The following CALD1 variants were observed in gnomAD, a reference collection of about 807,000 sequenced individuals.
The protein encoded by CALD1 is caldesmon 1.
Under a neutral mutation model 99.9 loss-of-function variants are expected in CALD1, and 33 were observed. The observed-to-expected ratio is 0.33, with a 90% CI of 0.25 to 0.44. The LOEUF is 0.44. Ranked by LOEUF, CALD1 falls within the 20% of genes least tolerant of loss-of-function variation. CALD1 has a pLI of 1.00. For synonymous variants in CALD1, 310 were observed against 325.0 expected, an observed-to-expected ratio of 0.95 and a Z score of 0.50; for missense variants, 861 against 962.1, an observed-to-expected ratio of 0.89 and a Z score of 1.39.
intron 3 of CALD1, among the ~76,000 whole-genome samples, chr7:134,879,231 T>C (rs1434787166): frequency 6.6e-6 from 1 of 152,232 alleles, no homozygotes; most frequent in East Asian, 1.9e-4. Context: ...ATGAGCATGT[T>C]GGACCAATGT....
In CALD1 at chr7:134,858,075, C is replaced by CTTT. The variant is rs5887709; in HGVS notation, c.-41-9606_-41-9604dup. Among the ~76,000 whole-genome samples, 973 of 146,802 alleles carry CTTT rather than the reference C, an allele frequency of 6.6e-3. 20 individuals are homozygous for CTTT. The highest frequency in any genetic ancestry group is 0.023 in the African/African-American group (916 of 39,960). ...AAAAAGCAGGCACATGAGTTGCTGA[C>CTTT]TTTTTTTTTTTTTTAGCTGAGTAGT... On this transcript the variant is annotated intron_variant, in intron 2 of 14. Coordinates refer to ENST00000361675, the MANE Select transcript of CALD1 (RefSeq NM_033138.4).
At chr7:134,781,303 T>C (rs943052841) in intron 1 of CALD1, among the ~76,000 whole-genome samples, 2 of 152,220 alleles carry the variant, frequency 1.3e-5, no homozygotes, top group Non-Finnish European at 2.9e-5. Flanking sequence ...TCTATAATCT[T>C]GGGATTTGAG....
At chr7:134,960,473 T>C in intron 12 of CALD1, 60 bp from the exon 13 acceptor site, 1 of 995,064 alleles carries the variant, frequency 1.0e-6, no homozygotes, top group Non-Finnish European at 1.6e-6. Flanking sequence ...GCTTTGAAAA[T>C]TCCTTCCCAG....
Position 134,963,549 on chromosome 7 carries a change from AT to A in CALD1, c.2296-1754del, listed in dbSNP as rs1448353560. Among the ~76,000 whole-genome samples the A allele has an allele frequency of 5.3e-5, 8 of 152,230 alleles. 1 individual carries two copies. The highest frequency in any genetic ancestry group is 1.9e-4 in the African/African-American group (8 of 41,474). ...AGGGTTTGCCAAGATAAGCATTACT[AT>A]TTCAGTAAAACACATTTATTTTCTA... On this transcript the variant is annotated intron_variant, in intron 13 of 14. Coordinates refer to ENST00000361675, the MANE Select transcript of CALD1 (RefSeq NM_033138.4).
intron 3 of CALD1, among the ~76,000 whole-genome samples, chr7:134,894,190 T>C (rs969901593): frequency 5.3e-5 from 8 of 152,208 alleles, no homozygotes; most frequent in African/African-American, 1.9e-4. Context: ...AGCCATCTTA[T>C]TTAGGAACTA....
At chr7:134,816,399 A>G (rs948599222) in intron 1 of CALD1, among the ~76,000 whole-genome samples, 4 of 152,164 alleles carry the variant, frequency 2.6e-5, no homozygotes, top group Admixed American at 2.0e-4. Flanking sequence ...TTTTCCACTT[A>G]TTAATTTTCA....
intron 13 of CALD1, among the ~76,000 whole-genome samples, chr7:134,963,597 C>T (rs1024922988): frequency 3.9e-5 from 6 of 152,222 alleles, no homozygotes; most frequent in Non-Finnish European, 7.4e-5. Flanking sequence ...TTGCCAAGTA[C>T]TAATATAAGC....
intron 3 of CALD1, among the ~76,000 whole-genome samples, chr7:134,874,111 TTTAAG>T (rs1801232963): frequency 6.6e-6 from 1 of 152,120 alleles, no homozygotes; most frequent in Non-Finnish European, 1.5e-5. Context: ...TTAGCACCAG[TTTAAG>T]TTATTTTTAA....
rs756573441 is a variant in CALD1 at position 134,933,359 on chromosome 7, A to T, written c.590A>T (p.Lys197Met). Residue 197 changes from lysine to methionine, a missense_variant, in exon 5 of 15, where the codon AAG becomes ATG. Lys to Met is a moderately conservative substitution (Grantham distance 95, BLOSUM62 -1). Coordinates refer to ENST00000361675, the MANE Select transcript of CALD1 (RefSeq NM_033138.4). Reference protein sequence around the residue: ...DKEKEEEEEEKPKRGSIGENQ... With the variant: ...DKEKEEEEEEMPKRGSIGENQ... ...GAAAAGGAGGAGGAGGAAGAGGAGA[A>T]GCCAAAGCGAGGGAGCATTGGAGAA... The T allele has an allele frequency of 6.2e-7, 1 of 1,606,458 alleles. No individual in the cohort carries two copies. The highest frequency in any genetic ancestry group is 8.5e-7 in the Non-Finnish European group (1 of 1,176,238).
chr7:134,934,163 T>C, intron 5 of CALD1, 86 bp downstream of exon 5: 5 of 1,530,954 alleles, frequency 3.3e-6, no homozygotes, highest in Non-Finnish European at 4.4e-6. Context: ...TGAGGCCACA[T>C]GCATATAGCT....
chr7:134,932,217 C>A (rs1805573404), intron 4 of CALD1, among the ~76,000 whole-genome samples: 1 of 152,172 alleles, frequency 6.6e-6, no homozygotes, highest in Non-Finnish European at 1.5e-5. Flanking sequence ...GATCACTCCC[C>A]CCAACTATGG....
rs138482582 is a variant in CALD1 at position 134,940,618 on chromosome 7, A to C, written c.1387-474A>C. Among the ~76,000 whole-genome samples, 10 of 152,304 alleles carry C rather than the reference A, an allele frequency of 6.6e-5. No individual in the cohort carries two copies. The East Asian group carries it at 1.9e-3, about 29-fold the overall frequency. ...GTCTTCGCCAGAGTTGGTTTGGCAGATCTAGCTAAACTGATAGGTTTCCTT... is the reference window on the plus strand; with the variant it reads ...GTCTTCGCCAGAGTTGGTTTGGCAGCTCTAGCTAAACTGATAGGTTTCCTT... On this transcript the variant is annotated intron_variant, in intron 6 of 14. Transcript: ENST00000361675.
chr7:134,930,790 T>A lies in CALD1; in HGVS notation c.218+1890T>A, dbSNP rs1805462216. 1.3e-5 allele frequency among the ~76,000 whole-genome samples: 2 copies of A among 152,230 alleles called. 1 individual carries two copies. Among genetic ancestry groups the A allele is most frequent in the Admixed American group, 1.3e-4 (2 of 15,270 alleles). On this transcript the variant is annotated intron_variant, in intron 4 of 14. Transcript: ENST00000361675. The stretch of plus-strand genomic sequence containing the variant: ...ATGTAACAATACATGTAAAATGCAG[T>A]GTCTTACACATAGTAAGCACTCAAT...
At chr7:134,815,418 C>G (rs1798522199) in intron 1 of CALD1, among the ~76,000 whole-genome samples, 1 of 152,154 alleles carries the variant, frequency 6.6e-6, no homozygotes, top group African/African-American at 2.4e-5. Flanking sequence ...GTCCCAGTGC[C>G]TCCTGGAGAA....
At chr7:134,938,831 T>C (rs1183046230) in intron 6 of CALD1, among the ~76,000 whole-genome samples, 2 of 152,026 alleles carry the variant, frequency 1.3e-5, no homozygotes, top group Non-Finnish European at 1.5e-5. Flanking sequence ...AAAGGGGGGA[T>C]TTTTTTTCTG....
chr7:134,833,753 G>A (rs1236135132), intron 1 of CALD1, among the ~76,000 whole-genome samples: 2 of 152,196 alleles, frequency 1.3e-5, no homozygotes, highest in Non-Finnish European at 2.9e-5. Flanking sequence ...TTGCCCACTA[G>A]AGTGTTAGCC....
At chr7:134,742,957 CCT>C (rs1796603559), upstream of CALD1, among the ~76,000 whole-genome samples, 1 of 152,166 alleles carries the variant, frequency 6.6e-6, no homozygotes, top group South Asian at 2.1e-4. Flanking sequence ...GGGAACCCTC[CCT>C]GCCTACCTTT....
chr7:134,714,769 C>A, the CALD1 span, among the ~76,000 whole-genome samples: 4 of 152,166 alleles, frequency 2.6e-5, no homozygotes, highest in East Asian at 7.7e-4. Flanking sequence ...TGGGTGGTAA[C>A]TTCCAGGTTT....
intron 3 of CALD1, among the ~76,000 whole-genome samples, chr7:134,916,474 G>A (rs755146514): frequency 5.9e-5 from 9 of 152,066 alleles, no homozygotes; most frequent in Non-Finnish European, 1.3e-4. Flanking sequence ...TTTAGGGGAG[G>A]GAAAGATCAT....
Sources: allele counts gnomAD v4.1 joint callset (sites outside exome capture counted in the v4.1 genomes callset), GRCh38; gene constraint gnomAD v4.1.1; transcripts MANE v1.5; gene names NCBI Gene and HGNC (gene_info 2026-07-23, HGNC 2026-07-21).